MARCHF10: variants seen among roughly 807,000 people sequenced by gnomAD.
The protein encoded by MARCHF10 is membrane associated ring-CH-type finger 10, also known as probable E3 ubiquitin-protein ligase MARCHF10.
A neutral mutation model predicts 76.2 loss-of-function variants in MARCHF10; 64 were observed. The ratio of observed to expected loss-of-function variants is 0.84; its 90% CI spans 0.69 to 1.03. The LOEUF (loss-of-function observed/expected upper bound fraction) is 1.03, where lower values mean the gene tolerates loss of function less well. MARCHF10 is among the 50% of genes least tolerant of loss of function. The pLI is 0.00. For missense variants in MARCHF10, 875 were observed against 958.0 expected (o/e 0.91, Z 1.14); for synonymous variants, 340 against 357.5 (o/e 0.95, Z 0.55).
chr17:62,751,882 T>C lies in MARCHF10; in HGVS notation c.383-7354A>G, dbSNP rs569032621. Among the ~76,000 whole-genome samples, 6 of 152,188 alleles carry C rather than the reference T, an allele frequency of 3.9e-5. No individual in the cohort carries two copies. The South Asian group carries it at 1.2e-3, about 32-fold the overall frequency. The stretch of plus-strand genomic sequence containing the variant: ...CTAAAAATACAAAATTAGCCGGGCA[T>C]GGTGGCGCATGCCTGTAATCTCAGC... On this transcript the variant is annotated intron_variant, in intron 4 of 10. Transcript: ENST00000311269.
intron 10 of MARCHF10, chr17:62,705,236 G>A (rs968177576): frequency 1.5e-6 from 2 of 1,335,496 alleles, no homozygotes; most frequent in East Asian, 3.3e-5. Flanking sequence ...CTGGACGCTG[G>A]AGAATCCCAG....
chr17:62,765,763 C>T (rs1427885933), intron 3 of MARCHF10, among the ~76,000 whole-genome samples: 1 of 152,138 alleles, frequency 6.6e-6, no homozygotes, highest in Non-Finnish European at 1.5e-5. Context: ...GTTCAGTTTA[C>T]TTGGTTGGTG....
intron 4 of MARCHF10, chr17:62,746,878 G>A (rs1054235199): frequency 6.5e-7 from 1 of 1,535,590 alleles, no homozygotes; most frequent in Non-Finnish European, 8.7e-7. Context: ...CACAGGGAGG[G>A]ATGCTTCTGC....
intron 5 of MARCHF10, among the ~76,000 whole-genome samples, chr17:62,743,110 G>A (rs2091575183): frequency 6.6e-6 from 1 of 152,152 alleles, no homozygotes; most frequent in Non-Finnish European, 1.5e-5. Context: ...CTTATTTTAA[G>A]ATAAAGGAAC....
intron 2 of MARCHF10, chr17:62,795,135 A>G (rs1321494431): frequency 2.4e-6 from 2 of 835,500 alleles, no homozygotes; most frequent in Non-Finnish European, 2.9e-6. Flanking sequence ...CACCCGCTAT[A>G]AAGTCGCCTA....
At chr17:62,792,802 CCTCCAT>C (rs1336561341) in intron 2 of MARCHF10, among the ~76,000 whole-genome samples, 10 of 122,518 alleles carry the variant, frequency 8.2e-5, no homozygotes, top group Non-Finnish European at 1.4e-4. Flanking sequence ...ACCACCACCA[CCTCCAT>C]CACCACCACC....
intron 7 of MARCHF10, 107 bp downstream of exon 7, chr17:62,724,831 T>C (rs959850083): frequency 5.1e-5 from 63 of 1,239,544 alleles, no homozygotes; most frequent in Non-Finnish European, 6.2e-5. Flanking sequence ...TGAGTCGCTG[T>C]TCTGCGGAGG....
chr17:62,738,246 T>G lies in MARCHF10; in HGVS notation c.536-914A>C, dbSNP rs1016887261. Among the ~76,000 whole-genome samples, 3 of 152,200 alleles carry G rather than the reference T, an allele frequency of 2.0e-5. No individual in the cohort carries two copies. Among genetic ancestry groups the G allele is most frequent in the Non-Finnish European group, 4.4e-5 (3 of 68,046 alleles). On this transcript the variant is annotated intron_variant, in intron 5 of 10. Transcript: ENST00000311269. The surrounding 1 kb of genome is among the most constrained non-coding windows in gnomAD (Gnocchi z 4.0). The stretch of plus-strand genomic sequence containing the variant: ...AATGAACATTTGAACCCACGCCTGC[T>G]CGATACTAGGGTTTGTGTTCTTAAC...
chr17:62,710,893 G>A (rs757289619), intron 9 of MARCHF10, among the ~76,000 whole-genome samples: 7 of 152,038 alleles, frequency 4.6e-5, no homozygotes, highest in Admixed American at 1.3e-4. Context: ...CTCCATGTTC[G>A]GGTGCCCACA....
intron 5 of MARCHF10, 97 bp downstream of exon 5, chr17:62,744,279 A>T (rs1232894740): frequency 1.5e-6 from 2 of 1,317,928 alleles, no homozygotes; most frequent in Admixed American, 2.3e-5. Context: ...TTTACTTAAA[A>T]GTACAAGTAT....
chr17:62,766,082 G>A (rs896666990), intron 3 of MARCHF10, among the ~76,000 whole-genome samples: 4 of 152,138 alleles, frequency 2.6e-5, no homozygotes, highest in African/African-American at 9.7e-5. Context: ...CATATTCCCA[G>A]CTACTCAGGA....
chr17:62,749,465 T>A (rs1353952433), intron 4 of MARCHF10, among the ~76,000 whole-genome samples: 1 of 152,078 alleles, frequency 6.6e-6, no homozygotes, highest in Non-Finnish European at 1.5e-5. Context: ...AAAAAAAAAG[T>A]GTGCTTTCTT....
intron 3 of MARCHF10, among the ~76,000 whole-genome samples, chr17:62,762,787 C>T (rs562558140): frequency 9.8e-5 from 15 of 152,320 alleles, no homozygotes; most frequent in Non-Finnish European, 2.1e-4. Flanking sequence ...CTCAGGCAAG[C>T]CGCCCGCCTT....
In MARCHF10 at chr17:62,738,060, T is replaced by TCACTCACACACACA. The variant is rs1555696219; in HGVS notation, c.536-729_536-728insTGTGTGTGTGAGTG. Reference sequence around the variant, plus strand: ...AACTGTCTCTCTCTGTCTCTCTCTGTCACACACACACACACACACACACAC... The same window carrying TCACTCACACACACA: ...AACTGTCTCTCTCTGTCTCTCTCTGTCACTCACACACACACACACACACACACACACACACACAC... On this transcript the variant is annotated intron_variant, in intron 5 of 10. Transcript: ENST00000311269. The surrounding 1 kb of genome is among the most constrained non-coding windows in gnomAD (Gnocchi z 4.0). 1 of 127,312 alleles carries TCACTCACACACACA rather than the reference T, an allele frequency of 7.9e-6. No homozygotes were observed. Among genetic ancestry groups the TCACTCACACACACA allele is most frequent in the Non-Finnish European group, 1.6e-5 (1 of 62,192 alleles). The allele number at this position is 127,312 out of a possible 1,614,324, so 7.9% of individuals were successfully genotyped here. A position where few individuals can be genotyped will look rare whatever the true frequency, so the allele number is the denominator to read the frequency against.
intron 6 of MARCHF10, among the ~76,000 whole-genome samples, chr17:62,729,931 C>G (rs891919612): frequency 1.3e-5 from 2 of 152,340 alleles, no homozygotes; most frequent in African/African-American, 4.8e-5. Context: ...CGCCTGTAAT[C>G]CCAGCACTTT....
intron 5 of MARCHF10, among the ~76,000 whole-genome samples, chr17:62,741,896 C>T (rs1003034932): frequency 2.6e-5 from 4 of 151,914 alleles, no homozygotes; most frequent in African/African-American, 9.7e-5. Context: ...GATGGGGTTT[C>T]ACCATGTTAG....
In MARCHF10 at chr17:62,794,924, T is replaced by C. The variant is rs558685095; in HGVS notation, c.91-6325A>G. On this transcript the variant is annotated intron_variant, in intron 2 of 10. Coordinates refer to ENST00000311269, the MANE Select transcript of MARCHF10 (RefSeq NM_152598.4). Reference sequence around the variant, plus strand: ...ATTAAAGTTCATTAATTTTAAGAGGTCAAGAAATCAAAGGCATAAAAACAG... The same window carrying C: ...ATTAAAGTTCATTAATTTTAAGAGGCCAAGAAATCAAAGGCATAAAAACAG... 2.2e-5 allele frequency: 15 copies of C among 686,554 alleles called. No homozygotes were observed. The South Asian group carries it at 2.6e-4, about 12-fold the overall frequency. 42.5% of individuals were successfully genotyped at this position (686,554 alleles called of 1,614,324 possible). A position where few individuals can be genotyped will look rare whatever the true frequency, so the allele number is the denominator to read the frequency against.
At chr17:62,704,758 A>G (rs1439440293) in intron 10 of MARCHF10, among the ~76,000 whole-genome samples, 5 of 152,204 alleles carry the variant, frequency 3.3e-5, no homozygotes, top group African/African-American at 1.2e-4. Context: ...GGCAAAGCCC[A>G]TGTGGGAGCC....
intron 3 of MARCHF10, among the ~76,000 whole-genome samples, chr17:62,784,277 T>C (rs2092710562): frequency 1.3e-5 from 2 of 152,112 alleles, no homozygotes; most frequent in South Asian, 4.1e-4. Context: ...AAAAACCACA[T>C]GATTATCTCA....
Sources: gnomAD v4.1 joint callset for allele counts (sites outside exome capture counted in the v4.1 genomes callset) on GRCh38, gnomAD v4.1.1 for gene constraint, Gnocchi (gnomAD v3.1) non-coding constraint, MANE v1.5 for transcripts, NCBI Gene and HGNC (gene_info 2026-07-23, HGNC 2026-07-21) for gene names.